The following PAQR5 variants were observed in gnomAD, a reference collection of about 807,000 sequenced individuals.
The protein encoded by PAQR5 is membrane progestin receptor gamma.
PAQR5 carries 20 observed loss-of-function variants against 34.5 expected under a neutral mutation model. The observed-to-expected ratio is 0.58, with a 90% CI of 0.41 to 0.84. The LOEUF is 0.84. Among genes scored for constraint, PAQR5 ranks in the 40% least tolerant of loss-of-function variants. The probability of loss-of-function intolerance (pLI) is 0.00; values close to 1 mark genes in which losing one functional copy is unlikely to be tolerated. For synonymous variants in PAQR5, 131 were observed against 155.6 expected (o/e 0.84, Z 1.18); for missense variants, 378 against 412.7 (o/e 0.92, Z 0.73).
chr15:69,311,501 C>T lies in PAQR5; in HGVS notation c.-277+12445C>T, dbSNP rs147152178. Among the ~76,000 whole-genome samples the T allele has an allele frequency of 3.6e-3, 547 of 152,268 alleles. 5 individuals carry two copies. Among genetic ancestry groups the T allele is most frequent in the African/African-American group, 0.012 (511 of 41,548 alleles). Reference sequence around the variant, plus strand: ...AGCAATCAGCCCAAGTTGTTTCCATCTCCCCTGCAACTTAAAATCCATGCT... The same window carrying T: ...AGCAATCAGCCCAAGTTGTTTCCATTTCCCCTGCAACTTAAAATCCATGCT... On this transcript the variant is annotated intron_variant, in intron 1 of 8. Transcript: ENST00000395407.
intron 2 of PAQR5, among the ~76,000 whole-genome samples, chr15:69,353,421 C>T (rs1356012110): frequency 1.3e-5 from 2 of 152,182 alleles, no homozygotes; most frequent in Non-Finnish European, 1.5e-5. Flanking sequence ...TTGCTTTTGA[C>T]AAAGAAACTC....
At chr15:69,328,243 A>G (rs2140650771) in intron 1 of PAQR5, among the ~76,000 whole-genome samples, 1 of 152,260 alleles carries the variant, frequency 6.6e-6, no homozygotes, top group East Asian at 1.9e-4. Context: ...GCCACGCTCT[A>G]TGCAAAGAAG....
chr15:69,370,660 C>A lies in PAQR5; in HGVS notation c.52-9223C>A, dbSNP rs112824966. ...TCAGCCTCCCGAGTAGCTGGGATTA[C>A]AGGCACCTGCCACCACGCCTGGCTA... On this transcript the variant is annotated intron_variant, in intron 3 of 8. Transcript: ENST00000395407. Among the ~76,000 whole-genome samples, 663 of 152,300 alleles carry A rather than the reference C, an allele frequency of 4.4e-3. 4 individuals carry two copies. Among genetic ancestry groups the A allele is most frequent in the African/African-American group, 0.015 (628 of 41,562 alleles).
intron 1 of PAQR5, among the ~76,000 whole-genome samples, chr15:69,310,761 A>G (rs1027416996): frequency 3.9e-5 from 6 of 152,014 alleles, no homozygotes; most frequent in Non-Finnish European, 7.4e-5. Context: ...AGTGTTGGCC[A>G]GGCGCGGTGG....
chr15:69,304,532 G>A (rs998561108), intron 1 of PAQR5, among the ~76,000 whole-genome samples: 8 of 152,138 alleles, frequency 5.3e-5, no homozygotes, highest in African/African-American at 1.7e-4. Context: ...TGGCATCTAG[G>A]AAAAAAGATA....
chr15:69,335,720 T>C (rs550286864), intron 1 of PAQR5, among the ~76,000 whole-genome samples: 3 of 152,048 alleles, frequency 2.0e-5, no homozygotes, highest in African/African-American at 7.2e-5. Flanking sequence ...GGTTAAAGCA[T>C]TAAAATCATA....
At chr15:69,380,068 G>A in intron 4 of PAQR5, 58 bp downstream of exon 4, 1 of 1,584,728 alleles carries the variant, frequency 6.3e-7, no homozygotes, top group Non-Finnish European at 8.6e-7. Flanking sequence ...AGACCAGGGT[G>A]TCTTAAAACA....
intron 1 of PAQR5, among the ~76,000 whole-genome samples, chr15:69,331,267 G>T (rs561305870): frequency 6.6e-6 from 1 of 151,978 alleles, no homozygotes; most frequent in East Asian, 1.9e-4. Context: ...GGGGTGTCTT[G>T]TGTCTGTAGC....
intron 1 of PAQR5, among the ~76,000 whole-genome samples, chr15:69,323,841 T>C (rs2054184534): frequency 6.6e-6 from 1 of 152,152 alleles, no homozygotes. Flanking sequence ...CACCATTTTA[T>C]ATAGACAGTA....
chr15:69,319,371 C>T (rs1339739596), intron 1 of PAQR5, among the ~76,000 whole-genome samples: 1 of 150,992 alleles, frequency 6.6e-6, no homozygotes, highest in Non-Finnish European at 1.5e-5. Context: ...TGTACTTCTG[C>T]TTGCTTTTGG....
chr15:69,396,035 G>A (rs1371359027), intron 6 of PAQR5, among the ~76,000 whole-genome samples: 1 of 151,750 alleles, frequency 6.6e-6, no homozygotes, highest in Non-Finnish European at 1.5e-5. Flanking sequence ...CAATAGCCTG[G>A]AGAATGTCCG....
rs1566998269 is a variant in PAQR5 at position 69,322,838 on chromosome 15, G to GAAGAAGAA, written c.-276-14503_-276-14502insAAGAAGAA. On this transcript the variant is annotated intron_variant, in intron 1 of 8. Coordinates refer to ENST00000395407, the MANE Select transcript of PAQR5 (RefSeq NM_017705.4). ...AAGAAGAAGAAGAAGAAGAAGAAGA[G>GAAGAAGAA]GAAGAAGAAGAGGAATTATTTCATC... is the stretch of plus-strand genomic sequence containing the variant. Among the ~76,000 whole-genome samples the GAAGAAGAA allele has an allele frequency of 7.2e-4, 14 of 19,420 alleles. 4 individuals carry two copies. Among genetic ancestry groups the GAAGAAGAA allele is most frequent in the East Asian group, 4.1e-3 (2 of 484 alleles). 12.7% of individuals were successfully genotyped at this position (19,420 alleles called of 152,430 possible).
intron 1 of PAQR5, among the ~76,000 whole-genome samples, chr15:69,322,756 A>AGGG (rs1566997835): frequency 0.015 from 686 of 45,888 alleles, 117 homozygotes; most frequent in East Asian, 0.022. Context: ...GAAGAAGAAG[A>AGGG]AGAAGAAGAA....
At position 69,403,789 on chromosome 15, in the gene PAQR5, T is replaced by A; in HGVS notation, c.960T>A (p.Ile320=). The change falls in exon 9 of 9, where the codon ATT becomes ATA. Residue 320 remains isoleucine, a synonymous_variant. Coordinates refer to ENST00000395407, the MANE Select transcript of PAQR5 (RefSeq NM_017705.4). ...ATTTCTCAGCTGCTCTGTATCGGAT[T>A]CCCAAGCCAGAATTACATAAAAAAG... ...IIYFSAALYR[I]PKPELHKKET is the part of the protein sequence containing the mutation. 1.2e-6 allele frequency: 2 copies of A among 1,614,050 alleles called. No homozygotes were observed. Among genetic ancestry groups the A allele is most frequent in the Non-Finnish European group, 1.7e-6 (2 of 1,179,938 alleles).
chr15:69,355,390 C>T (rs1347713309), intron 2 of PAQR5, among the ~76,000 whole-genome samples: 2 of 51,354 alleles, frequency 3.9e-5, no homozygotes, highest in African/African-American at 1.4e-4. Flanking sequence ...CTTTCTTTCT[C>T]TTTCTTTCCT....
intron 3 of PAQR5, among the ~76,000 whole-genome samples, chr15:69,373,265 C>T (rs913058758): frequency 4.8e-4 from 33 of 68,652 alleles, no homozygotes; most frequent in African/African-American, 1.4e-3. Flanking sequence ...CGTTGCTGCC[C>T]CTTTGCTGTG....
intron 2 of PAQR5, among the ~76,000 whole-genome samples, chr15:69,355,315 TC>T (rs1318089960): frequency 4.0e-4 from 20 of 49,716 alleles, no homozygotes; most frequent in African/African-American, 2.0e-3. Flanking sequence ...TTTCTTTCTT[TC>T]TTTCTTTCTT....
intron 1 of PAQR5, among the ~76,000 whole-genome samples, chr15:69,307,434 G>A (rs540131318): frequency 2.6e-5 from 4 of 152,268 alleles, no homozygotes; most frequent in South Asian, 2.1e-4. Context: ...AAGGATGAGC[G>A]TGGAATCTCT....
intron 1 of PAQR5, among the ~76,000 whole-genome samples, chr15:69,323,410 G>A (rs1274897716): frequency 6.6e-6 from 1 of 152,220 alleles, no homozygotes; most frequent in East Asian, 1.9e-4. Context: ...AAATGCATGA[G>A]CTGTTAGGCT....
Sources: gnomAD v4.1 joint callset for allele counts (sites outside exome capture counted in the v4.1 genomes callset) on GRCh38, gnomAD v4.1.1 for gene constraint, MANE v1.5 for transcripts, NCBI Gene and HGNC (gene_info 2026-07-23, HGNC 2026-07-21) for gene names.